LRRC2: variants seen among roughly 807,000 people sequenced by gnomAD.
The protein encoded by LRRC2 is leucine rich repeat containing 2.
A neutral mutation model predicts 40.2 loss-of-function variants in LRRC2; 27 were observed. That is an observed-to-expected ratio of 0.67 (90% CI 0.49 to 0.93). The LOEUF (loss-of-function observed/expected upper bound fraction) is 0.93. Among genes scored for constraint, LRRC2 ranks in the 40% least tolerant of loss-of-function variants. The pLI, the probability that LRRC2 is intolerant of heterozygous loss-of-function variation, is 0.00. For synonymous variants in LRRC2, 147 were observed against 158.9 expected (o/e 0.92, Z 0.56); for missense variants, 402 against 439.6 (o/e 0.91, Z 0.76).
intron 2 of LRRC2, among the ~76,000 whole-genome samples, chr3:46,549,869 T>C (rs13093758): frequency 0.08 from 12,213 of 152,224 alleles, 561 homozygotes; most frequent in South Asian, 0.17. Flanking sequence ...ATGCTAGGTG[T>C]GCGGAGGAAA....
At chr3:46,563,543 C>T (rs73072002) in intron 1 of LRRC2, among the ~76,000 whole-genome samples, 7,395 of 152,270 alleles carry the variant, frequency 0.049, 274 homozygotes, top group South Asian at 0.15. Context: ...ACCCCTGGAA[C>T]CCACCTTAAA....
chr3:46,545,964 C>A (rs1704516600), intron 2 of LRRC2, among the ~76,000 whole-genome samples: 1 of 152,318 alleles, frequency 6.6e-6, no homozygotes, highest in South Asian at 2.1e-4. Flanking sequence ...CTATGTGATG[C>A]AAAACAAGAT....
rs1234882118 is a variant in LRRC2, at chr3:46,518,866, A to G, written c.*148T>C. The stretch of plus-strand genomic sequence containing the variant: ...GGAGGGAGATACTCATGTATTTGAC[A>G]TTTGAAAACCATTTTTTTTAGCAAC... On this transcript the variant is annotated 3_prime_UTR_variant, in exon 9 of 9. Transcript: ENST00000395905. 1.6e-6 allele frequency: 1 copy of G among 641,246 alleles called. No homozygotes were observed. The highest frequency in any genetic ancestry group is 2.8e-6 in the Non-Finnish European group (1 of 360,748). The allele number at this position is 641,246 out of a possible 1,614,324, so 39.7% of individuals were successfully genotyped here. A position where few individuals can be genotyped will look rare whatever the true frequency, so the allele number is the denominator to read the frequency against.
intron 1 of LRRC2, among the ~76,000 whole-genome samples, chr3:46,565,944 C>T (rs1158485087): frequency 1.3e-5 from 2 of 152,244 alleles, no homozygotes; most frequent in African/African-American, 4.8e-5. Context: ...TCTCCTTTCT[C>T]GCCTTCCCAC....
At chr3:46,534,494 G>C (rs540190842) in intron 4 of LRRC2, among the ~76,000 whole-genome samples, 151 of 139,224 alleles carry the variant, frequency 1.1e-3, no homozygotes, top group African/African-American at 4.0e-3. Flanking sequence ...CTTTCTAGCA[G>C]CCGCACCCTT....
intron 4 of LRRC2, among the ~76,000 whole-genome samples, chr3:46,537,402 A>T (rs1704290982): frequency 6.6e-6 from 1 of 152,188 alleles, no homozygotes; most frequent in South Asian, 2.1e-4. Context: ...CTCCAGCCTA[A>T]AAAGGGTTTT....
chr3:46,538,006 C>T (rs1254080655), intron 4 of LRRC2, among the ~76,000 whole-genome samples: 1 of 152,172 alleles, frequency 6.6e-6, no homozygotes, highest in East Asian at 1.9e-4. Flanking sequence ...TCTCCTCATC[C>T]CTCAAGGTTA....
chr3:46,519,149 T>C (rs1703921062), intron 8 of LRRC2, 86 bp from the exon 9 acceptor site: 4 of 886,828 alleles, frequency 4.5e-6, no homozygotes, highest in Middle Eastern at 4.4e-4. Context: ...ATAATGAATG[T>C]ATGTCAATAC....
chr3:46,550,136 A>G (rs1474062268), intron 2 of LRRC2, among the ~76,000 whole-genome samples: 1 of 152,182 alleles, frequency 6.6e-6, no homozygotes, highest in Non-Finnish European at 1.5e-5. Flanking sequence ...TGATTACAGC[A>G]TTATACAGAG....
At chr3:46,537,280 T>C (rs1704287811) in intron 4 of LRRC2, among the ~76,000 whole-genome samples, 1 of 152,176 alleles carries the variant, frequency 6.6e-6, no homozygotes, top group African/African-American at 2.4e-5. Context: ...TTTTACTTTT[T>C]GTAGAGATGG....
In LRRC2 at chr3:46,518,948, A is replaced by G. The variant is rs911905343; in HGVS notation, c.*66T>C. On this transcript the variant is annotated 3_prime_UTR_variant, in exon 9 of 9. Transcript: ENST00000395905. ...GCACAAGCCATTCTTCCTATATGAC[A>G]TGATCATAACAAAGATTTATATATA... 6.5e-6 allele frequency: 7 copies of G among 1,074,374 alleles called. No individual in the cohort carries two copies. The highest frequency in any genetic ancestry group is 3.1e-5 in the African/African-American group (2 of 64,356). 66.6% of individuals were successfully genotyped at this position (1,074,374 alleles called of 1,614,324 possible). A position where few individuals can be genotyped will look rare whatever the true frequency, so the allele number is the denominator to read the frequency against.
At chr3:46,551,674 C>G in intron 1 of LRRC2, 64 bp from the exon 2 acceptor site, 1 of 1,157,332 alleles carries the variant, frequency 8.6e-7, no homozygotes, top group Non-Finnish European at 1.2e-6. Flanking sequence ...TTAACATAAA[C>G]TTTAAAATGA....
At chr3:46,546,892 C>T (rs1704537925) in intron 2 of LRRC2, among the ~76,000 whole-genome samples, 1 of 151,976 alleles carries the variant, frequency 6.6e-6, no homozygotes, top group South Asian at 2.1e-4. Flanking sequence ...CCCATTATCT[C>T]CCTGCTCTAC....
At chr3:46,544,933 G>T in intron 3 of LRRC2, 113 bp downstream of exon 3, 1 of 1,010,292 alleles carries the variant, frequency 9.9e-7, no homozygotes, top group Non-Finnish European at 1.5e-6. Context: ...ACTGAGGAAG[G>T]GACAGAAGAA....
intron 2 of LRRC2, among the ~76,000 whole-genome samples, chr3:46,550,197 C>G (rs1271544942): frequency 6.6e-6 from 1 of 152,118 alleles, no homozygotes; most frequent in Non-Finnish European, 1.5e-5. Context: ...ACTTGAGCAA[C>G]TTACCTAAGT....
chr3:46,529,115 C>CA (rs71942983), intron 6 of LRRC2, among the ~76,000 whole-genome samples: 257 of 142,106 alleles, frequency 1.8e-3, no homozygotes, highest in Middle Eastern at 0.011. Context: ...GACTCTGTCT[C>CA]AAAAAAAAAA....
Position 46,545,191 on chromosome 3 carries a change from T to A in LRRC2, c.188A>T (p.Tyr63Phe). The A allele has an allele frequency of 6.2e-7, 1 of 1,614,206 alleles. No individual in the cohort carries two copies. Among genetic ancestry groups the A allele is most frequent in the Non-Finnish European group, 8.5e-7 (1 of 1,180,036 alleles). The change falls in exon 3 of 9, where the codon TAC (tyrosine) becomes TTC (phenylalanine). Residue 63 changes from tyrosine to phenylalanine, a missense_variant. Tyr to Phe is a conservative substitution (Grantham distance 22). Coordinates refer to ENST00000395905, the MANE Select transcript of LRRC2 (RefSeq NM_024512.5). ...CRRKGIPQAV[Y>F]CKNGFIDTSV... ...GGTGTCTATGAAGCCATTCTTGCAG[T>A]ATACAGCCTGGGGGATGCCCTTCCT...
At chr3:46,545,017 T>A (rs760830399) in intron 3 of LRRC2, 29 bp downstream of exon 3, 8 of 1,603,056 alleles carry the variant, frequency 5.0e-6, no homozygotes, top group Non-Finnish European at 6.8e-6. Flanking sequence ...ACCACAGCAC[T>A]GCATTGGGCG....
chr3:46,551,205 G>A (rs1307010662), intron 2 of LRRC2: 5 of 269,244 alleles, frequency 1.9e-5, no homozygotes, highest in Non-Finnish European at 3.5e-5. Flanking sequence ...ATTTACTGTG[G>A]GGGGATTTAT....
Sources: gnomAD v4.1 joint callset for allele counts (sites outside exome capture counted in the v4.1 genomes callset) on GRCh38, gnomAD v4.1.1 for gene constraint, MANE v1.5 for transcripts, NCBI Gene and HGNC (gene_info 2026-07-23, HGNC 2026-07-21) for gene names.